HOOK3: variants seen among roughly 807,000 people sequenced by gnomAD.
HOOK3 encodes hook microtubule tethering protein 3.
A neutral mutation model predicts 116.3 loss-of-function variants in HOOK3; 24 were observed. The ratio of observed to expected loss-of-function variants is 0.21; its 90% CI spans 0.15 to 0.29. The LOEUF (loss-of-function observed/expected upper bound fraction) is 0.29, where lower values mean the gene tolerates loss of function less well. Ranked by LOEUF, HOOK3 falls within the 10% of genes least tolerant of loss-of-function variation. The probability of loss-of-function intolerance (pLI) is 1.00; values close to 1 mark genes in which losing one functional copy is unlikely to be tolerated. For missense variants in HOOK3, 632 were observed against 830.2 expected, an observed-to-expected ratio of 0.76 and a Z score of 2.93; for synonymous variants, 275 against 283.0, an observed-to-expected ratio of 0.97 and a Z score of 0.28.
chr8:42,941,862 T>C (rs752535359), intron 4 of HOOK3, among the ~76,000 whole-genome samples: 6 of 152,160 alleles, frequency 3.9e-5, no homozygotes, highest in Non-Finnish European at 7.3e-5. Context: ...TGGTAACCTC[T>C]GTGTCGTATC....
At chr8:42,971,618 C>G (rs923070320) in intron 11 of HOOK3, among the ~76,000 whole-genome samples, 6 of 151,678 alleles carry the variant, frequency 4.0e-5, no homozygotes, top group African/African-American at 1.2e-4. Flanking sequence ...TCTTTGTGTG[C>G]TTTTTCAAAT....
chr8:42,982,215 A>G (rs181872842), intron 13 of HOOK3, among the ~76,000 whole-genome samples: 1 of 147,904 alleles, frequency 6.8e-6, no homozygotes, highest in East Asian at 2.0e-4. Flanking sequence ...AGATCGTGCC[A>G]TTGCATTCCA....
In HOOK3 at chr8:43,020,263, T is replaced by G. The variant is rs183444825; in HGVS notation, c.*1765T>G. 5.0e-6 allele frequency: 1 copy of G among 200,398 alleles called. No homozygotes were observed. Among genetic ancestry groups the G allele is most frequent in the East Asian group, 7.7e-5 (1 of 12,976 alleles). The allele number at this position is 200,398 out of a possible 1,614,324, so 12.4% of individuals were successfully genotyped here. A position where few individuals can be genotyped will look rare whatever the true frequency, so the allele number is the denominator to read the frequency against. ...ACCACAAAGCAGCAGAAGTTAGGGA[T>G]AAATGGAGATAGCCATGAGTAGAAC... is the stretch of plus-strand genomic sequence containing the variant. On this transcript the variant is annotated 3_prime_UTR_variant, in exon 22 of 22. Coordinates refer to ENST00000307602, the MANE Select transcript of HOOK3 (RefSeq NM_032410.4).
intron 2 of HOOK3, among the ~76,000 whole-genome samples, chr8:42,922,652 A>G (rs1435642728): frequency 6.6e-6 from 1 of 152,110 alleles, no homozygotes; most frequent in African/African-American, 2.4e-5. Flanking sequence ...TAATCCCAGC[A>G]TTTTGGGAGG....
intron 4 of HOOK3, among the ~76,000 whole-genome samples, chr8:42,931,842 C>T (rs1249700020): frequency 1.3e-5 from 2 of 152,044 alleles, no homozygotes; most frequent in Non-Finnish European, 2.9e-5. Context: ...GCAACCTCCG[C>T]CTCCTGGGTT....
At chr8:42,962,772 C>CT (rs1808558529) in intron 8 of HOOK3, among the ~76,000 whole-genome samples, 1 of 137,446 alleles carries the variant, frequency 7.3e-6, no homozygotes, top group Non-Finnish European at 1.6e-5. Context: ...AATATATTGA[C>CT]TTTTTTTGGT....
intron 13 of HOOK3, among the ~76,000 whole-genome samples, chr8:42,980,020 A>G (rs1488199004): frequency 1.3e-5 from 2 of 149,212 alleles, no homozygotes; most frequent in African/African-American, 2.5e-5. Flanking sequence ...CTGGAGCGCA[A>G]TGGTGCGATC....
intron 3 of HOOK3, among the ~76,000 whole-genome samples, chr8:42,929,783 C>G (rs770260951): frequency 3.9e-5 from 6 of 152,088 alleles, no homozygotes; most frequent in Admixed American, 3.9e-4. Context: ...GAACTCAAGT[C>G]TTCATTAAGG....
intron 6 of HOOK3, among the ~76,000 whole-genome samples, chr8:42,952,333 G>A (rs750701189): frequency 3.3e-5 from 5 of 152,214 alleles, no homozygotes; most frequent in Non-Finnish European, 7.3e-5. Flanking sequence ...CATAGGGTGA[G>A]GTCAGGGAAG....
intron 9 of HOOK3, among the ~76,000 whole-genome samples, chr8:42,965,011 C>A (rs905345455): frequency 6.6e-6 from 1 of 152,192 alleles, no homozygotes; most frequent in African/African-American, 2.4e-5. Context: ...CTATAGGATA[C>A]CTGAGTGAGA....
At chr8:42,981,342 C>T (rs924442163) in intron 13 of HOOK3, among the ~76,000 whole-genome samples, 1 of 152,000 alleles carries the variant, frequency 6.6e-6, no homozygotes, top group Non-Finnish European at 1.5e-5. Context: ...CATGAGCCAC[C>T]ACACCCAGCC....
chr8:42,912,944 A>G (rs1386253274), intron 2 of HOOK3, among the ~76,000 whole-genome samples: 1 of 152,122 alleles, frequency 6.6e-6, no homozygotes, highest in Non-Finnish European at 1.5e-5. Context: ...TAATCTTTTT[A>G]CTTACTGTCT....
intron 4 of HOOK3, among the ~76,000 whole-genome samples, chr8:42,941,918 G>C (rs1395929613): frequency 1.3e-5 from 2 of 152,084 alleles, no homozygotes; most frequent in South Asian, 2.1e-4. Context: ...CCAGGATTCT[G>C]CTCAGTTTTT....
At chr8:42,976,040 A>ATATGTGTG (rs146604728) in intron 13 of HOOK3, among the ~76,000 whole-genome samples, 17 of 148,732 alleles carry the variant, frequency 1.1e-4, no homozygotes, top group Non-Finnish European at 1.8e-4. Flanking sequence ...GTATATATAT[A>ATATGTGTG]TGTGTGTGTG....
chr8:42,968,965 C>G (rs1808680238), intron 11 of HOOK3, among the ~76,000 whole-genome samples: 1 of 152,000 alleles, frequency 6.6e-6, no homozygotes, highest in Admixed American at 6.6e-5. Context: ...AGTGAAAGCA[C>G]TCTTTGTAAT....
At chr8:42,984,325 G>A (rs1010423931) in intron 14 of HOOK3, among the ~76,000 whole-genome samples, 8 of 150,328 alleles carry the variant, frequency 5.3e-5, no homozygotes, top group Admixed American at 2.0e-4. Flanking sequence ...CCGAGATCGC[G>A]CCATTGCACT....
intron 13 of HOOK3, among the ~76,000 whole-genome samples, chr8:42,981,195 G>A (rs1268676140): frequency 1.3e-5 from 2 of 151,720 alleles, no homozygotes; most frequent in Non-Finnish European, 2.9e-5. Context: ...GGGAGTACAG[G>A]CATGCATCAC....
chr8:43,008,723 G>A (rs1477123944), intron 18 of HOOK3, among the ~76,000 whole-genome samples: 3 of 146,334 alleles, frequency 2.1e-5, no homozygotes, highest in Non-Finnish European at 4.5e-5. Context: ...GCAGTGGCGG[G>A]ATCTCGGCTC....
At position 43,030,011 on chromosome 8, in the gene HOOK3, A is replaced by T; in HGVS notation, c.*11513A>T. On this transcript the variant is annotated 3_prime_UTR_variant, in exon 22 of 22. Coordinates refer to ENST00000307602, the MANE Select transcript of HOOK3 (RefSeq NM_032410.4). Reference sequence around the variant, plus strand: ...TTGAATTTACATTTTTCAGAATTTCATTCTTTGTCATTATAATCCAAAAAC... The same window carrying T: ...TTGAATTTACATTTTTCAGAATTTCTTTCTTTGTCATTATAATCCAAAAAC... 1 of 213,076 alleles carries T rather than the reference A, an allele frequency of 4.7e-6. No individual in the cohort carries two copies. The highest frequency in any genetic ancestry group is 9.5e-6 in the Non-Finnish European group (1 of 105,366). 13.2% of individuals were successfully genotyped at this position (213,076 alleles called of 1,614,324 possible).
Sources: allele counts gnomAD v4.1 joint callset (sites outside exome capture counted in the v4.1 genomes callset), GRCh38; gene constraint gnomAD v4.1.1; transcripts MANE v1.5; gene names NCBI Gene and HGNC (gene_info 2026-07-23, HGNC 2026-07-21).